Variants in ATRNL1 observed in about 807,000 individuals in gnomAD.
The protein encoded by ATRNL1 is attractin-like protein 1.
Under a neutral mutation model 182.7 loss-of-function variants are expected in ATRNL1, and 95 were observed. The observed-to-expected ratio is 0.52, with a 90% CI of 0.44 to 0.62. ATRNL1 has a LOEUF of 0.62. ATRNL1 is among the 20% of genes least tolerant of loss of function. The pLI is 0.00. For synonymous variants in ATRNL1, 576 were observed against 568.3 expected, an observed-to-expected ratio of 1.01 and a Z score of -0.19; for missense variants, 1,471 against 1,679.5, an observed-to-expected ratio of 0.88 and a Z score of 2.17.
intron 26 of ATRNL1, among the ~76,000 whole-genome samples, chr10:115,630,849 C>G (rs189735809): frequency 6.4e-5 from 9 of 140,590 alleles, no homozygotes; most frequent in African/African-American, 2.3e-4. Context: ...CACACACACA[C>G]ACACACACAC....
chr10:115,386,665 T>A (rs542316817), intron 19 of ATRNL1, among the ~76,000 whole-genome samples: 3 of 152,116 alleles, frequency 2.0e-5, no homozygotes, highest in South Asian at 4.1e-4. Context: ...TTTTTATTTT[T>A]ATTTTATTAT....
intron 28 of ATRNL1, among the ~76,000 whole-genome samples, chr10:115,915,809 C>T (rs1952831902): frequency 2.0e-5 from 3 of 152,154 alleles, no homozygotes; most frequent in Admixed American, 2.0e-4. Flanking sequence ...AATTGTGACA[C>T]CTCTGAAAGT....
At chr10:115,775,151 AACTGCAT>A (rs1949091629) in intron 27 of ATRNL1, among the ~76,000 whole-genome samples, 1 of 152,162 alleles carries the variant, frequency 6.6e-6, no homozygotes, top group Non-Finnish European at 1.5e-5. Flanking sequence ...ATGCAACTCT[AACTGCAT>A]ACTTCTGAAA....
intron 25 of ATRNL1, among the ~76,000 whole-genome samples, chr10:115,536,555 T>G (rs1852022038): frequency 1.3e-5 from 2 of 152,242 alleles, no homozygotes; most frequent in Non-Finnish European, 2.9e-5. Flanking sequence ...CCTGACGCCT[T>G]GTGCTTCCCA....
At chr10:115,104,913 T>C (rs1323600972) in intron 1 of ATRNL1, among the ~76,000 whole-genome samples, 7 of 129,956 alleles carry the variant, frequency 5.4e-5, no homozygotes, top group South Asian at 2.5e-4. Flanking sequence ...CCTTTTTTTT[T>C]CTCTTTTTTT....
chr10:115,360,135 A>T (rs1554943810), intron 19 of ATRNL1, among the ~76,000 whole-genome samples: 1 of 151,700 alleles, frequency 6.6e-6, no homozygotes, highest in Non-Finnish European at 1.5e-5. Flanking sequence ...TCCTAACAAC[A>T]TCCCAATACC....
At chr10:115,460,346 T>G (rs1401076369) in intron 21 of ATRNL1, among the ~76,000 whole-genome samples, 4 of 152,118 alleles carry the variant, frequency 2.6e-5, no homozygotes, top group Non-Finnish European at 4.4e-5. Context: ...TTCCCCAAGT[T>G]CCATCGCAGT....
intron 28 of ATRNL1, among the ~76,000 whole-genome samples, chr10:115,877,035 T>G (rs2620952): frequency 0.93 from 142,011 of 152,244 alleles, 66,900 homozygotes; most frequent in East Asian, 1. Context: ...ACTTTTGTGC[T>G]TTATAAGCAA....
chr10:115,825,270 A>C (rs1428315350), intron 27 of ATRNL1, among the ~76,000 whole-genome samples: 1 of 152,120 alleles, frequency 6.6e-6, no homozygotes, highest in African/African-American at 2.4e-5. Context: ...ATCTCACACC[A>C]GGGCCTGTCG....
intron 26 of ATRNL1, among the ~76,000 whole-genome samples, chr10:115,572,434 G>GA (rs1369889715): frequency 1.5e-4 from 22 of 150,178 alleles, no homozygotes; most frequent in South Asian, 6.3e-4. Context: ...AACGGGTGGG[G>GA]AAAAAAAAAG....
At chr10:115,838,083 G>A (rs1950720329) in intron 27 of ATRNL1, among the ~76,000 whole-genome samples, 1 of 152,024 alleles carries the variant, frequency 6.6e-6, no homozygotes, top group Non-Finnish European at 1.5e-5. Context: ...TCTATTTTCT[G>A]TATGGAAAAG....
At chr10:115,890,723 GC>G (rs2134462341) in intron 28 of ATRNL1, among the ~76,000 whole-genome samples, 1 of 152,268 alleles carries the variant, frequency 6.6e-6, no homozygotes, top group South Asian at 2.1e-4. Flanking sequence ...AAGAAATATA[GC>G]CCCGTAATGA....
chr10:115,433,319 A>G (rs1438580942), intron 21 of ATRNL1, among the ~76,000 whole-genome samples: 2 of 152,146 alleles, frequency 1.3e-5, no homozygotes, highest in Non-Finnish European at 2.9e-5. Flanking sequence ...TAATGGAATT[A>G]TCCTGGTTTT....
intron 27 of ATRNL1, among the ~76,000 whole-genome samples, chr10:115,827,039 T>C (rs1555092208): frequency 6.6e-6 from 1 of 152,082 alleles, no homozygotes; most frequent in African/African-American, 2.4e-5. Flanking sequence ...AAGCTACATA[T>C]TATCAAAATG....
intron 8 of ATRNL1, among the ~76,000 whole-genome samples, chr10:115,196,744 A>C (rs1439855489): frequency 2.0e-5 from 3 of 152,110 alleles, no homozygotes; most frequent in African/African-American, 7.2e-5. Context: ...ATTCATTTTC[A>C]AATATGGGTT....
At chr10:115,792,150 T>A (rs1555081923) in intron 27 of ATRNL1, among the ~76,000 whole-genome samples, 1 of 152,140 alleles carries the variant, frequency 6.6e-6, no homozygotes, top group East Asian at 1.9e-4. Context: ...AAATGAGTAA[T>A]CAGAGGTTAT....
At chr10:115,206,523 A>T (rs1316742079) in intron 8 of ATRNL1, among the ~76,000 whole-genome samples, 1 of 152,104 alleles carries the variant, frequency 6.6e-6, no homozygotes, top group African/African-American at 2.4e-5. Context: ...CTAATATCAT[A>T]TCTATATAGG....
intron 22 of ATRNL1, 86 bp downstream of exon 22, chr10:115,462,121 A>G: frequency 1.1e-6 from 1 of 896,656 alleles, no homozygotes; most frequent in Non-Finnish European, 1.7e-6. Flanking sequence ...TCTTCTCAGA[A>G]TTATCACATT....
intron 3 of ATRNL1, among the ~76,000 whole-genome samples, chr10:115,125,005 TG>T (rs1554872950): frequency 6.6e-6 from 1 of 152,134 alleles, no homozygotes; most frequent in Admixed American, 6.5e-5. Flanking sequence ...GTATGAAGTA[TG>T]GGGGTCAGAT....
Sources: allele counts gnomAD v4.1 joint callset (sites outside exome capture counted in the v4.1 genomes callset), GRCh38; gene constraint gnomAD v4.1.1; transcripts MANE v1.5; gene names NCBI Gene and HGNC (gene_info 2026-07-23, HGNC 2026-07-21).